VWA8: variants seen among roughly 807,000 people sequenced by gnomAD.
VWA8 encodes von Willebrand factor A domain containing 8, also known as von Willebrand factor A domain-containing protein 8.
A neutral mutation model predicts 241.5 loss-of-function variants in VWA8; 221 were observed. That is an observed-to-expected ratio of 0.91 (90% confidence interval 0.82 to 1.02). VWA8 has a LOEUF of 1.02. Among genes scored for constraint, VWA8 ranks in the 50% least tolerant of loss-of-function variants. The probability of loss-of-function intolerance (pLI) is 0.00; values close to 1 mark genes in which losing one functional copy is unlikely to be tolerated. For missense variants in VWA8, 2,322 were observed against 2,328.7 expected (o/e 1.00, Z 0.06); for synonymous variants, 852 against 827.1 (o/e 1.03, Z -0.52).
At chr13:41,770,144 AGT>A (rs2045808439) in intron 20 of VWA8, among the ~76,000 whole-genome samples, 1 of 152,104 alleles carries the variant, frequency 6.6e-6, no homozygotes, top group South Asian at 2.1e-4. Context: ...GCACTCAGGA[AGT>A]GTAAGAAATT....
Position 41,886,803 on chromosome 13 carries a change from C to A in VWA8, c.844G>T (p.Gly282Ter). 1 of 1,592,418 alleles carries A rather than the reference C, an allele frequency of 6.3e-7. No homozygotes were observed. The highest frequency in any genetic ancestry group is 8.5e-7 in the Non-Finnish European group (1 of 1,172,824). The stretch of plus-strand genomic sequence containing the variant: ...TACTTCTCAGCAGAAACATTGGCTC[C>A]AATTGAATATAACAACTTAAGTTGG... ...KDQLKLLYSI[G>*]ANVSAEKVSQ... is the part of the protein sequence containing the mutation. Residue 282 changes from glycine (G) to a stop codon, truncating the protein, a stop_gained, in exon 7 of 45, where the codon GGA (glycine) becomes TGA (stop). Transcript: ENST00000379310. LOFTEE classifies it high-confidence loss of function.
intron 26 of VWA8, among the ~76,000 whole-genome samples, chr13:41,703,777 A>ATTT (rs755091767): frequency 4.5e-5 from 6 of 134,060 alleles, no homozygotes; most frequent in Non-Finnish European, 6.5e-5. Context: ...TTTTCAGTCT[A>ATTT]TTTTTTTTTT....
At chr13:41,937,908 C>A (rs1877423361) in intron 2 of VWA8, among the ~76,000 whole-genome samples, 1 of 152,144 alleles carries the variant, frequency 6.6e-6, no homozygotes, top group East Asian at 1.9e-4. Flanking sequence ...CACCTGTAAT[C>A]CCAGCACTTT....
In VWA8 at chr13:41,865,002, A is replaced by AG. The variant is rs546411235; in HGVS notation, c.1425+733_1425+734insC. The stretch of plus-strand genomic sequence containing the variant: ...GAAACTCCATCTCAAAAAAAAAAAA[A>AG]AAAAAAAGGCTAATGTGGTAAACTT... On this transcript the variant is annotated intron_variant, in intron 12 of 44. Transcript: ENST00000379310. Among the ~76,000 whole-genome samples the AG allele has an allele frequency of 3.4e-3, 518 of 151,862 alleles. 5 individuals are homozygous for AG. Among genetic ancestry groups the AG allele is most frequent in the African/African-American group, 0.012 (490 of 41,396 alleles).
intron 29 of VWA8, among the ~76,000 whole-genome samples, chr13:41,695,265 G>C (rs919952618): frequency 6.6e-6 from 1 of 152,088 alleles, no homozygotes; most frequent in South Asian, 2.1e-4. Context: ...TGGGGGAAGG[G>C]GAGGGTCTTT....
At chr13:41,900,004 T>C (rs978487697) in intron 4 of VWA8, among the ~76,000 whole-genome samples, 1 of 152,210 alleles carries the variant, frequency 6.6e-6, no homozygotes, top group Non-Finnish European at 1.5e-5. Context: ...GAACCCTGTC[T>C]TTTATGGCAT....
Position 41,703,391 on chromosome 13 carries a change from G to C in VWA8, c.3137C>G (p.Thr1046Arg). 6.2e-7 allele frequency: 1 copy of C among 1,613,940 alleles called. No individual in the cohort carries two copies. Among genetic ancestry groups the C allele is most frequent in the South Asian group, 1.1e-5 (1 of 91,068 alleles). Residue 1046 changes from threonine to arginine, a missense_variant, in exon 27 of 45, where the codon ACG becomes AGG. Transcript: ENST00000379310. ...ACCAATTGTCCAGTAGCCCATGAAC[G>C]TTTGTTCTGGCAGAGTCAACCTGTT... ...LAKELTLPEQ[T>R]FMGYWTIGQA...
intron 37 of VWA8, among the ~76,000 whole-genome samples, chr13:41,668,515 A>G (rs2045001635): frequency 6.6e-6 from 1 of 152,192 alleles, no homozygotes; most frequent in Non-Finnish European, 1.5e-5. Context: ...GAGTATATAA[A>G]TGAAGAATAG....
intron 2 of VWA8, among the ~76,000 whole-genome samples, chr13:41,919,382 C>T (rs1396199353): frequency 1.3e-5 from 2 of 152,142 alleles, no homozygotes; most frequent in Non-Finnish European, 2.9e-5. Flanking sequence ...AGGGAGCTCC[C>T]CAGAGTACAC....
rs541676955 is a variant in VWA8, at chr13:41,768,979, C to T, written c.2350-7775G>A. 5.3e-4 allele frequency among the ~76,000 whole-genome samples: 81 copies of T among 151,656 alleles called. 1 individual carries two copies. Among genetic ancestry groups the T allele is most frequent in the East Asian group, 2.7e-3 (14 of 5,154 alleles). On this transcript the variant is annotated intron_variant, in intron 20 of 44. Transcript: ENST00000379310. ...AGTTAGTGACCTAATCTTGGCTCAC[C>T]GCAACCTGCACCTCCTGCGGTCAGG...
intron 36 of VWA8, among the ~76,000 whole-genome samples, chr13:41,673,322 T>G (rs572636211): frequency 3.3e-5 from 5 of 152,352 alleles, no homozygotes; most frequent in Admixed American, 1.3e-4. Flanking sequence ...AAATTAGCTA[T>G]CAAATGGAAA....
At chr13:41,796,542 C>CTTT (rs1355562689) in intron 17 of VWA8, among the ~76,000 whole-genome samples, 10 of 152,024 alleles carry the variant, frequency 6.6e-5, no homozygotes, top group Non-Finnish European at 1.0e-4. Flanking sequence ...TTCTTCCTCT[C>CTTT]TTTTACACTA....
intron 36 of VWA8, among the ~76,000 whole-genome samples, chr13:41,674,810 A>G (rs9590625): frequency 1.8e-4 from 28 of 152,232 alleles, no homozygotes; most frequent in Non-Finnish European, 3.1e-4. Flanking sequence ...AATAACATAT[A>G]TCAAAACAAT....
chr13:41,861,712 A>T (rs1873014895), intron 12 of VWA8, among the ~76,000 whole-genome samples: 1 of 152,192 alleles, frequency 6.6e-6, no homozygotes, highest in Non-Finnish European at 1.5e-5. Context: ...CACAGAAAGA[A>T]TAAAATACCT....
At chr13:41,775,385 A>G (rs967919056) in intron 20 of VWA8, among the ~76,000 whole-genome samples, 7 of 152,356 alleles carry the variant, frequency 4.6e-5, no homozygotes, top group African/African-American at 1.4e-4. Context: ...TTCTTTCTCC[A>G]AAGTGGAGAG....
intron 20 of VWA8, among the ~76,000 whole-genome samples, chr13:41,776,425 T>G (rs549826567): frequency 2.3e-4 from 35 of 152,360 alleles, no homozygotes; most frequent in Non-Finnish European, 2.9e-5. Flanking sequence ...AAATTCTGAC[T>G]GTTAACTGAT....
At chr13:41,711,383 C>T (rs2045315194) in intron 26 of VWA8, among the ~76,000 whole-genome samples, 1 of 152,162 alleles carries the variant, frequency 6.6e-6, no homozygotes, top group Non-Finnish European at 1.5e-5. Flanking sequence ...TTCTCTTTGT[C>T]CTCAGTAGTC....
chr13:41,832,563 G>C (rs181924732), intron 13 of VWA8, among the ~76,000 whole-genome samples: 8 of 147,962 alleles, frequency 5.4e-5, no homozygotes, highest in Admixed American at 6.7e-5. Context: ...ATCACATCAA[G>C]AAAAAAAAAA....
At chr13:41,939,472 C>A (rs1877499119) in intron 2 of VWA8, among the ~76,000 whole-genome samples, 1 of 151,980 alleles carries the variant, frequency 6.6e-6, no homozygotes, top group East Asian at 1.9e-4. Flanking sequence ...GTAACAAGAC[C>A]TAGATCATAA....
Sources: gnomAD v4.1 joint callset for allele counts (sites outside exome capture counted in the v4.1 genomes callset) on GRCh38, gnomAD v4.1.1 for gene constraint, MANE v1.5 for transcripts, NCBI Gene and HGNC (gene_info 2026-07-23, HGNC 2026-07-21) for gene names.